ANTXR1: variants seen among roughly 807,000 people sequenced by gnomAD.
ANTXR1 encodes ANTXR cell adhesion molecule 1, also known as anthrax toxin receptor 1.
A neutral mutation model predicts 78.1 loss-of-function variants in ANTXR1; 19 were observed. That is an observed-to-expected ratio of 0.24 (90% CI 0.17 to 0.36). The LOEUF is 0.36. ANTXR1 is among the 10% of genes least tolerant of loss of function. The pLI, the probability that ANTXR1 is intolerant of heterozygous loss-of-function variation, is 1.00. For synonymous variants in ANTXR1, 273 were observed against 260.5 expected (o/e 1.05, Z -0.46); for missense variants, 518 against 718.6 (o/e 0.72, Z 3.19).
rs377183001 is a variant in ANTXR1 at position 69,239,199 on chromosome 2, T to C, written c.1435-6026T>C. 2.2e-4 allele frequency among the ~76,000 whole-genome samples: 34 copies of C among 152,300 alleles called. No individual in the cohort carries two copies. In the East Asian group the frequency reaches 6.2e-3, roughly 28 times the overall value. On this transcript the variant is annotated intron_variant, in intron 17 of 17. Transcript: ENST00000303714. ...AAAGCATTAGCCAAACTAATTAGTA[T>C]AAAGAAATGTGCAAACTGGCTGCCC...
chr2:69,203,778 T>G (rs901628994), intron 17 of ANTXR1, among the ~76,000 whole-genome samples: 1 of 152,084 alleles, frequency 6.6e-6, no homozygotes, highest in African/African-American at 2.4e-5. Flanking sequence ...ATCATCATCA[T>G]TTTGTAGCTT....
At chr2:69,127,764 A>T (rs11902581) in intron 12 of ANTXR1, among the ~76,000 whole-genome samples, 37 of 151,814 alleles carry the variant, frequency 2.4e-4, no homozygotes, top group African/African-American at 8.7e-4. Context: ...GTTTAGAGAG[A>T]GAGAAGAATC....
At chr2:69,069,005 C>A (rs531012072) in intron 3 of ANTXR1, among the ~76,000 whole-genome samples, 2 of 152,116 alleles carry the variant, frequency 1.3e-5, no homozygotes, top group Non-Finnish European at 2.9e-5. Context: ...GTCTGATACA[C>A]GGGTATTGAA....
intron 12 of ANTXR1, among the ~76,000 whole-genome samples, chr2:69,126,307 G>A (rs906576837): frequency 1.3e-5 from 2 of 152,150 alleles, no homozygotes; most frequent in Admixed American, 1.3e-4. Context: ...CAAGAAACTA[G>A]GATTGTGTCA....
chr2:69,133,574 A>G (rs1672820750), intron 12 of ANTXR1, among the ~76,000 whole-genome samples: 1 of 152,214 alleles, frequency 6.6e-6, no homozygotes, highest in Non-Finnish European at 1.5e-5. Flanking sequence ...TAGCATGTGT[A>G]TGCTTTAAGT....
chr2:69,091,749 G>T (rs754900414), intron 9 of ANTXR1, among the ~76,000 whole-genome samples: 1 of 152,140 alleles, frequency 6.6e-6, no homozygotes, highest in Admixed American at 6.5e-5. Flanking sequence ...GGTAGTGGAC[G>T]GCTCTGGTTG....
chr2:69,088,661 C>G (rs1458541820), intron 8 of ANTXR1, among the ~76,000 whole-genome samples: 1 of 152,158 alleles, frequency 6.6e-6, no homozygotes, highest in East Asian at 1.9e-4. Context: ...CTTCACAATT[C>G]AGGCAGGGCT....
intron 3 of ANTXR1, among the ~76,000 whole-genome samples, chr2:69,045,149 A>C (rs1274773420): frequency 6.6e-6 from 1 of 152,122 alleles, no homozygotes; most frequent in Non-Finnish European, 1.5e-5. Context: ...CTTTTACTTA[A>C]GTTAGACTTA....
chr2:69,023,372 A>T (rs1483512901), intron 1 of ANTXR1, among the ~76,000 whole-genome samples: 1 of 151,834 alleles, frequency 6.6e-6, no homozygotes, highest in Non-Finnish European at 1.5e-5. Flanking sequence ...GATAGTTGTG[A>T]TGAAGATGAT....
chr2:69,109,628 G>A (rs1025361231), intron 10 of ANTXR1, among the ~76,000 whole-genome samples: 50 of 151,130 alleles, frequency 3.3e-4, no homozygotes, highest in African/African-American at 1.2e-3. Context: ...ATGATGTTGA[G>A]ACAACTGGCC....
chr2:69,215,224 A>C (rs1239495317), intron 17 of ANTXR1, among the ~76,000 whole-genome samples: 1 of 152,124 alleles, frequency 6.6e-6, no homozygotes, highest in East Asian at 1.9e-4. Context: ...AGCCCAGGGA[A>C]GCCCTGATGA....
chr2:69,182,451 C>G, intron 15 of ANTXR1, 42 bp from the exon 16 acceptor site: 2 of 1,607,692 alleles, frequency 1.2e-6, no homozygotes, highest in Non-Finnish European at 1.7e-6. Flanking sequence ...CGAGGGGCAG[C>G]ATATTTTGTC....
intron 9 of ANTXR1, among the ~76,000 whole-genome samples, chr2:69,096,279 A>AG (rs1197672268): frequency 3.1e-3 from 34 of 11,036 alleles, no homozygotes; most frequent in Admixed American, 0.012. Flanking sequence ...GAAGGAAGGA[A>AG]GGAAGGAAGG....
At chr2:69,103,195 A>G (rs983892210) in intron 10 of ANTXR1, 5 of 509,530 alleles carry the variant, frequency 9.8e-6, no homozygotes, top group African/African-American at 5.8e-5. Context: ...CCCGTCCTCC[A>G]CAAAACACAG....
intron 17 of ANTXR1, among the ~76,000 whole-genome samples, chr2:69,240,637 G>A (rs544679135): frequency 1.4e-3 from 217 of 152,270 alleles, no homozygotes; most frequent in Middle Eastern, 6.8e-3. Context: ...GTGCTACACT[G>A]TGTGATGCTA....
intron 10 of ANTXR1, among the ~76,000 whole-genome samples, chr2:69,112,524 G>C (rs1558560394): frequency 6.6e-6 from 1 of 152,124 alleles, no homozygotes; most frequent in African/African-American, 2.4e-5. Flanking sequence ...AAAGATAATC[G>C]CAGATCAGAG....
chr2:69,204,255 A>T (rs1286979423), intron 17 of ANTXR1, among the ~76,000 whole-genome samples: 1 of 152,180 alleles, frequency 6.6e-6, no homozygotes, highest in Non-Finnish European at 1.5e-5. Context: ...TAGATTATAG[A>T]TGGCAAAATC....
At chr2:69,056,996 A>G (rs558659492) in intron 3 of ANTXR1, among the ~76,000 whole-genome samples, 166 of 152,212 alleles carry the variant, frequency 1.1e-3, no homozygotes, top group African/African-American at 3.8e-3. Flanking sequence ...TATTTTTTAA[A>G]TGGTCATATT....
chr2:69,194,670 T>C (rs1173741843), intron 17 of ANTXR1, among the ~76,000 whole-genome samples: 1 of 150,980 alleles, frequency 6.6e-6, no homozygotes, highest in Admixed American at 6.6e-5. Context: ...CTGGCCAATA[T>C]GGTTAAACCC....
Sources: allele counts gnomAD v4.1 joint callset (sites outside exome capture counted in the v4.1 genomes callset), GRCh38; gene constraint gnomAD v4.1.1; transcripts MANE v1.5; gene names NCBI Gene and HGNC (gene_info 2026-07-23, HGNC 2026-07-21).